Variants in KCNIP4 observed in about 807,000 individuals in gnomAD.
KCNIP4 encodes potassium voltage-gated channel interacting protein 4, also known as Kv channel-interacting protein 4.
A neutral mutation model predicts 34.0 loss-of-function variants in KCNIP4; 12 were observed. The observed-to-expected ratio is 0.35, with a 90% CI of 0.23 to 0.57. The LOEUF is 0.57. Ranked by LOEUF, KCNIP4 falls within the 20% of genes least tolerant of loss-of-function variation. KCNIP4 has a pLI of 0.83. For synonymous variants in KCNIP4, 124 were observed against 102.2 expected, an observed-to-expected ratio of 1.21 and a Z score of -1.29; for missense variants, 238 against 311.7, an observed-to-expected ratio of 0.76 and a Z score of 1.78.
intron 1 of KCNIP4, among the ~76,000 whole-genome samples, chr4:21,747,359 G>A (rs1223001217): frequency 1.3e-5 from 2 of 152,044 alleles, no homozygotes; most frequent in Non-Finnish European, 2.9e-5. Context: ...CTGCTGAAAG[G>A]TCAGAGGCAT....
intron 1 of KCNIP4, among the ~76,000 whole-genome samples, chr4:21,874,788 C>A (rs1480825886): frequency 6.6e-6 from 1 of 152,184 alleles, no homozygotes; most frequent in East Asian, 1.9e-4. Flanking sequence ...ATTTAGCATT[C>A]TTTTTACTAT....
At chr4:21,103,672 G>C (rs1748177812) in intron 1 of KCNIP4, among the ~76,000 whole-genome samples, 1 of 151,228 alleles carries the variant, frequency 6.6e-6, no homozygotes, top group Non-Finnish European at 1.5e-5. Context: ...CCATGCTAGT[G>C]TGCTGCACCA....
At chr4:21,335,548 C>T (rs1716093580) in intron 1 of KCNIP4, among the ~76,000 whole-genome samples, 1 of 152,188 alleles carries the variant, frequency 6.6e-6, no homozygotes, top group African/African-American at 2.4e-5. Context: ...CTGTATTTAT[C>T]TGTCCACATT....
chr4:21,239,080 A>T (rs1490679762), intron 1 of KCNIP4, among the ~76,000 whole-genome samples: 2 of 152,028 alleles, frequency 1.3e-5, no homozygotes, highest in African/African-American at 2.4e-5. Context: ...GCATATCTAC[A>T]ACTATCTGAT....
At chr4:21,744,631 G>A (rs75379406) in intron 1 of KCNIP4, among the ~76,000 whole-genome samples, 4,592 of 152,244 alleles carry the variant, frequency 0.03, 107 homozygotes, top group South Asian at 0.1. Context: ...CCATCCAGGA[G>A]CCTCTGGGAC....
intron 1 of KCNIP4, among the ~76,000 whole-genome samples, chr4:21,754,729 A>T (rs1158217402): frequency 6.6e-6 from 1 of 152,232 alleles, no homozygotes; most frequent in African/African-American, 2.4e-5. Context: ...GGATGAAGAC[A>T]CTGAATAGAA....
At chr4:21,301,269 A>G (rs1321474341) in intron 1 of KCNIP4, among the ~76,000 whole-genome samples, 4 of 152,196 alleles carry the variant, frequency 2.6e-5, no homozygotes, top group Non-Finnish European at 5.9e-5. Context: ...AGATAAAAGC[A>G]AAATAACAAC....
intron 1 of KCNIP4, among the ~76,000 whole-genome samples, chr4:21,295,327 G>A (rs1330645692): frequency 1.3e-5 from 2 of 152,144 alleles, no homozygotes; most frequent in African/African-American, 2.4e-5. Context: ...GTGTCTTGGA[G>A]TAGGCAGCTA....
At chr4:21,455,824 T>TAGCCAA (rs1728897852) in intron 1 of KCNIP4, among the ~76,000 whole-genome samples, 54 of 64,616 alleles carry the variant, frequency 8.4e-4, no homozygotes, top group African/African-American at 1.5e-3. Flanking sequence ...TATATATATA[T>TAGCCAA]ATATATATAT....
chr4:21,601,498 C>G (rs1203724368), intron 1 of KCNIP4, among the ~76,000 whole-genome samples: 1 of 151,832 alleles, frequency 6.6e-6, no homozygotes, highest in African/African-American at 2.4e-5. Context: ...AGAGACTCTC[C>G]TTTCCCCTTT....
At chr4:21,273,331 T>C (rs1371861800) in intron 1 of KCNIP4, among the ~76,000 whole-genome samples, 2 of 152,114 alleles carry the variant, frequency 1.3e-5, no homozygotes, top group African/African-American at 4.8e-5. Context: ...GACAGTATGT[T>C]CGGAGGAGGC....
At chr4:21,396,210 A>T (rs2109533136) in intron 1 of KCNIP4, among the ~76,000 whole-genome samples, 1 of 152,070 alleles carries the variant, frequency 6.6e-6, no homozygotes, top group South Asian at 2.1e-4. Flanking sequence ...ATATCAGTTC[A>T]GTCTTCCCCA....
rs182968500 is a variant in KCNIP4, at chr4:21,400,598, T to C, written c.62-517889A>G. Among the ~76,000 whole-genome samples the C allele has an allele frequency of 2.8e-4, 41 of 147,256 alleles. No individual in the cohort carries two copies. In the East Asian group the frequency reaches 8.2e-3, roughly 29 times the overall value. On this transcript the variant is annotated intron_variant, in intron 1 of 8. Coordinates refer to ENST00000382152, the MANE Select transcript of KCNIP4 (RefSeq NM_025221.6). ...CTCTTCGTTCTTTCTTTCTTCCTTC[T>C]TTTCTCCTGCTTTTCTAGTAATTAT...
intron 1 of KCNIP4, among the ~76,000 whole-genome samples, chr4:21,513,495 A>C (rs1400736452): frequency 1.3e-5 from 2 of 152,248 alleles, no homozygotes; most frequent in Non-Finnish European, 2.9e-5. Context: ...TATCACTGGC[A>C]TGAAGAAATC....
intron 1 of KCNIP4, among the ~76,000 whole-genome samples, chr4:21,305,407 A>G (rs909122928): frequency 9.9e-5 from 15 of 152,192 alleles, no homozygotes; most frequent in African/African-American, 3.6e-4. Context: ...CACTCTGTTG[A>G]GGGAATTAAT....
chr4:20,852,158 C>G (rs1230474356), intron 2 of KCNIP4, among the ~76,000 whole-genome samples: 3 of 130,354 alleles, frequency 2.3e-5, no homozygotes, highest in Non-Finnish European at 5.3e-5. Context: ...ACAAAACCAG[C>G]AAATGACATA....
At chr4:21,776,340 T>C (rs190051415) in intron 1 of KCNIP4, among the ~76,000 whole-genome samples, 1 of 152,214 alleles carries the variant, frequency 6.6e-6, no homozygotes, top group Non-Finnish European at 1.5e-5. Flanking sequence ...TGGTTTTTTT[T>C]TTCGATGGGA....
intron 1 of KCNIP4, among the ~76,000 whole-genome samples, chr4:21,213,467 AATTTTTGT>A (rs1757363502): frequency 6.6e-6 from 1 of 151,598 alleles, no homozygotes; most frequent in African/African-American, 2.4e-5. Context: ...ATGCCCAGCT[AATTTTTGT>A]ATTTTTAGTA....
intron 1 of KCNIP4, among the ~76,000 whole-genome samples, chr4:21,122,607 AT>A (rs1180836953): frequency 1.3e-5 from 2 of 152,120 alleles, no homozygotes; most frequent in Non-Finnish European, 1.5e-5. Flanking sequence ...TGTTTGATAT[AT>A]GTTGTTCCAC....
Sources: allele counts gnomAD v4.1 joint callset (sites outside exome capture counted in the v4.1 genomes callset), GRCh38; gene constraint gnomAD v4.1.1; transcripts MANE v1.5; gene names NCBI Gene and HGNC (gene_info 2026-07-23, HGNC 2026-07-21).